SBF2: variants seen among roughly 807,000 people sequenced by gnomAD.
SBF2 encodes myotubularin-related protein 13.
Under a neutral mutation model 225.2 loss-of-function variants are expected in SBF2, and 112 were observed. The ratio of observed to expected loss-of-function variants is 0.50; its 90% CI spans 0.43 to 0.58. The LOEUF (loss-of-function observed/expected upper bound fraction) is 0.58, where lower values mean the gene tolerates loss of function less well. SBF2 is among the 20% of genes least tolerant of loss of function. SBF2 has a pLI of 0.00. For missense variants in SBF2, 1,996 were observed against 2,206.2 expected, an observed-to-expected ratio of 0.90 and a Z score of 1.91; for synonymous variants, 763 against 773.3, an observed-to-expected ratio of 0.99 and a Z score of 0.22.
intron 1 of SBF2, among the ~76,000 whole-genome samples, chr11:10,278,299 A>G (rs1185706290): frequency 1.3e-5 from 2 of 152,250 alleles, no homozygotes; most frequent in Non-Finnish European, 2.9e-5. Flanking sequence ...AAATAAAATT[A>G]TCAACTTATA....
At chr11:10,020,593 T>G (rs1434191699) in intron 6 of SBF2, among the ~76,000 whole-genome samples, 1 of 152,208 alleles carries the variant, frequency 6.6e-6, no homozygotes, top group East Asian at 1.9e-4. Flanking sequence ...CTCTAAAACT[T>G]GCCTTGGTCT....
chr11:10,261,299 C>A (rs1335769338), intron 1 of SBF2, among the ~76,000 whole-genome samples: 1 of 152,158 alleles, frequency 6.6e-6, no homozygotes, highest in African/African-American at 2.4e-5. Context: ...ACCTCCTGGG[C>A]TCAAGCAATC....
intron 38 of SBF2, 119 bp from the exon 39 acceptor site, chr11:9,781,757 C>T (rs1852022275): frequency 1.5e-5 from 17 of 1,160,876 alleles, no homozygotes; most frequent in Admixed American, 8.8e-5. Context: ...AACTATGCCT[C>T]GAAGAATACA....
chr11:10,268,813 T>C (rs925406284), intron 1 of SBF2, among the ~76,000 whole-genome samples: 1 of 152,224 alleles, frequency 6.6e-6, no homozygotes, highest in African/African-American at 2.4e-5. Flanking sequence ...GGAAAGACCT[T>C]GAAATTTTCA....
At chr11:10,030,750 A>G (rs1234248376) in intron 4 of SBF2, among the ~76,000 whole-genome samples, 2 of 152,206 alleles carry the variant, frequency 1.3e-5, no homozygotes, top group Non-Finnish European at 2.9e-5. Context: ...ATGCATTTAC[A>G]TTTACTACAG....
intron 2 of SBF2, among the ~76,000 whole-genome samples, chr11:10,109,985 C>T (rs985889416): frequency 6.6e-5 from 10 of 152,294 alleles, no homozygotes; most frequent in Admixed American, 5.2e-4. Flanking sequence ...ATTTCAAATT[C>T]CACACAAGAT....
At chr11:10,196,858 ATATATATAT>A (rs1286172902) in intron 1 of SBF2, among the ~76,000 whole-genome samples, 16 of 17,100 alleles carry the variant, frequency 9.4e-4, no homozygotes, top group African/African-American at 1.8e-3. Context: ...ATATATATAT[ATATATATAT>A]TTTTTTTTTC....
intron 1 of SBF2, among the ~76,000 whole-genome samples, chr11:10,209,313 T>G: frequency 6.6e-6 from 1 of 151,926 alleles, no homozygotes; most frequent in East Asian, 1.9e-4. Context: ...AAATTTGTTT[T>G]TTTTTTTTTC....
chr11:9,952,473 T>G (rs2134329036), intron 16 of SBF2, among the ~76,000 whole-genome samples: 1 of 152,266 alleles, frequency 6.6e-6, no homozygotes, highest in East Asian at 1.9e-4. Context: ...CTTTTGGGGT[T>G]TTGTAAACTG....
At chr11:9,942,758 G>A (rs1461582080) in intron 16 of SBF2, among the ~76,000 whole-genome samples, 4 of 151,980 alleles carry the variant, frequency 2.6e-5, no homozygotes, top group African/African-American at 9.7e-5. Context: ...CTGAGCCCAG[G>A]AGGCAGAGGC....
At chr11:10,226,794 G>A (rs925525871) in intron 1 of SBF2, among the ~76,000 whole-genome samples, 2 of 152,168 alleles carry the variant, frequency 1.3e-5, no homozygotes, top group Non-Finnish European at 2.9e-5. Context: ...AAACATACAT[G>A]TGCATGTGTC....
chr11:9,846,992 C>T lies in SBF2; in HGVS notation c.2898G>A (p.Met966Ile), dbSNP rs1310515958. The stretch of plus-strand genomic sequence containing the variant: ...CTGATGTGATCTGCAGTCCTTCTTG[C>T]ATGTTCTGCTGTAGCTGGTTCTGCA... ...ITMQNQLQQNMQEGLQITSAS... is the reference protein window; with the variant it reads ...ITMQNQLQQNIQEGLQITSAS... Residue 966 changes from methionine to isoleucine, a missense_variant, in exon 23 of 40, where the codon ATG becomes ATA. Met to Ile is a conservative substitution (Grantham distance 10). Coordinates refer to ENST00000256190, the MANE Select transcript of SBF2 (RefSeq NM_030962.4). 1 of 1,613,864 alleles carries T rather than the reference C, an allele frequency of 6.2e-7. No individual in the cohort carries two copies.
At chr11:10,198,046 T>A (rs1957439308) in intron 1 of SBF2, among the ~76,000 whole-genome samples, 1 of 152,112 alleles carries the variant, frequency 6.6e-6, no homozygotes, top group Non-Finnish European at 1.5e-5. Context: ...TCTTCTAAGC[T>A]CCCGGTTAAT....
At chr11:10,095,827 T>C (rs1183469623) in intron 2 of SBF2, among the ~76,000 whole-genome samples, 1 of 152,146 alleles carries the variant, frequency 6.6e-6, no homozygotes, top group Non-Finnish European at 1.5e-5. Flanking sequence ...TAATGAACCT[T>C]GTATTACACA....
chr11:9,840,252 C>CAA (rs373616505), intron 25 of SBF2, among the ~76,000 whole-genome samples: 1,049 of 97,878 alleles, frequency 0.011, 14 homozygotes, highest in African/African-American at 0.038. Context: ...CCCCCAGCCG[C>CAA]AAAAAAAAAA....
chr11:10,113,660 C>T (rs1387949626), intron 2 of SBF2, among the ~76,000 whole-genome samples: 1 of 151,936 alleles, frequency 6.6e-6, no homozygotes, highest in African/African-American at 2.4e-5. Context: ...GAAAGTGAAA[C>T]ATACATTAGG....
chr11:10,254,443 C>G (rs1413274575), intron 1 of SBF2, among the ~76,000 whole-genome samples: 6 of 151,006 alleles, frequency 4.0e-5, no homozygotes, highest in African/African-American at 1.5e-4. Context: ...AGGTATATAT[C>G]CAAAGAAAAG....
intron 9 of SBF2, among the ~76,000 whole-genome samples, chr11:9,994,748 GAGGA>G (rs1947615189): frequency 6.6e-6 from 1 of 151,662 alleles, no homozygotes; most frequent in Non-Finnish European, 1.5e-5. Context: ...AAAAATTACT[GAGGA>G]GAGGCCAGGT....
intron 1 of SBF2, among the ~76,000 whole-genome samples, chr11:10,201,666 A>C (rs1306811359): frequency 5.3e-5 from 8 of 152,206 alleles, no homozygotes. Context: ...TTTTTCCCAG[A>C]GTTAAACTTA....
Sources: allele counts gnomAD v4.1 joint callset (sites outside exome capture counted in the v4.1 genomes callset), GRCh38; gene constraint gnomAD v4.1.1; transcripts MANE v1.5; gene names NCBI Gene and HGNC (gene_info 2026-07-23, HGNC 2026-07-21).